The following EBF1 variants were observed in gnomAD, a reference collection of about 807,000 sequenced individuals.
EBF1 encodes the protein transcription factor COE1.
In EBF1, 10 loss-of-function variants were observed where a neutral mutation model predicts 68.4. That is an observed-to-expected ratio of 0.15 (90% CI 0.09 to 0.25). The LOEUF (loss-of-function observed/expected upper bound fraction) is 0.25, where lower values mean the gene tolerates loss of function less well. Among genes scored for constraint, EBF1 ranks in the 10% least tolerant of loss-of-function variants. EBF1 has a pLI of 1.00. For synonymous variants in EBF1, 298 were observed against 299.8 expected (o/e 0.99, Z 0.06); for missense variants, 509 against 794.4 (o/e 0.64, Z 4.32).
intron 6 of EBF1, among the ~76,000 whole-genome samples, chr5:159,056,762 T>C (rs1774824532): frequency 6.6e-6 from 1 of 152,232 alleles, no homozygotes; most frequent in Admixed American, 6.5e-5. Context: ...AAAAATTTTA[T>C]TAAGACTTAC....
At chr5:158,972,168 C>A (rs1190550800) in intron 6 of EBF1, among the ~76,000 whole-genome samples, 1 of 152,122 alleles carries the variant, frequency 6.6e-6, no homozygotes, top group African/African-American at 2.4e-5. Context: ...CCTGACAGGC[C>A]ATTGTCTTTC....
At chr5:158,819,434 G>A (rs554297423) in intron 8 of EBF1, among the ~76,000 whole-genome samples, 2 of 152,308 alleles carry the variant, frequency 1.3e-5, no homozygotes, top group African/African-American at 4.8e-5. Context: ...TGAGGGCACC[G>A]CATTTTGCCA....
At chr5:158,899,863 C>A (rs1428472140) in intron 6 of EBF1, among the ~76,000 whole-genome samples, 1 of 152,172 alleles carries the variant, frequency 6.6e-6, no homozygotes, top group Non-Finnish European at 1.5e-5. Flanking sequence ...CTTTTTAACC[C>A]TCTTCTCTTC....
At chr5:159,004,986 A>G (rs1030426681) in intron 6 of EBF1, among the ~76,000 whole-genome samples, 1 of 152,214 alleles carries the variant, frequency 6.6e-6, no homozygotes, top group Non-Finnish European at 1.5e-5. Context: ...TTTTAGAGAG[A>G]GAAAAGTGCC....
Position 158,712,215 on chromosome 5 carries a change from C to T in EBF1, c.1488G>A (p.Met496Ile), listed in dbSNP as rs1434239379. ...TSMNGYGSAA[M>I]SNLGGSPTFL... ...AGGTGGGGGAGCCGCCCAAATTGGA[C>T]ATTGCGGCAGAGCCGTATCCGTTCA... Residue 496 changes from methionine to isoleucine, a missense_variant, in exon 14 of 16, where the codon ATG becomes ATA. Around this residue, in one of 3 missense-constraint regions of EBF1, gnomAD observed 205 missense variants for 247.4 expected, o/e 0.83. Coordinates refer to ENST00000313708, the MANE Select transcript of EBF1 (RefSeq NM_024007.5). 6.2e-7 allele frequency: 1 copy of T among 1,613,748 alleles called. No individual in the cohort carries two copies. Among genetic ancestry groups the T allele is most frequent in the South Asian group, 1.1e-5 (1 of 90,940 alleles).
At position 158,765,410 on chromosome 5, in the gene EBF1, G is replaced by GAACGTGTGTAGAAT. The variant is rs1561862080; in HGVS notation, c.1036+12002_1036+12003insATTCTACACACGTT. ...TGAACGTGTGTAGAATGACTGGGAA[G>GAACGTGTGTAGAAT]GCCATATTTTGTGCAGATATTTAAA... On this transcript the variant is annotated intron_variant, in intron 10 of 15. Coordinates refer to ENST00000313708, the MANE Select transcript of EBF1 (RefSeq NM_024007.5). Among the ~76,000 whole-genome samples, 1,274 of 152,206 alleles carry GAACGTGTGTAGAAT rather than the reference G, an allele frequency of 8.4e-3. 21 individuals carry two copies. The highest frequency in any genetic ancestry group is 0.029 in the African/African-American group (1,209 of 41,540).
intron 11 of EBF1, among the ~76,000 whole-genome samples, chr5:158,720,193 G>T (rs777590733): frequency 6.2e-4 from 94 of 152,258 alleles, no homozygotes; most frequent in South Asian, 2.3e-3. Flanking sequence ...AGGGTTTACT[G>T]CAGGACCCAG....
At chr5:159,057,067 C>T (rs1445212274) in intron 6 of EBF1, among the ~76,000 whole-genome samples, 1 of 151,122 alleles carries the variant, frequency 6.6e-6, no homozygotes, top group Non-Finnish European at 1.5e-5. Context: ...TTCCTCCTCC[C>T]TGTGACTGTT....
chr5:158,938,494 C>T (rs1001702487), intron 6 of EBF1, among the ~76,000 whole-genome samples: 3 of 152,206 alleles, frequency 2.0e-5, no homozygotes, highest in East Asian at 3.8e-4. Flanking sequence ...TTGGCTGGGG[C>T]TGCCATAACA....
At chr5:158,893,440 C>T (rs184624692) in intron 6 of EBF1, among the ~76,000 whole-genome samples, 245 of 152,272 alleles carry the variant, frequency 1.6e-3, no homozygotes, top group African/African-American at 4.7e-3. Context: ...CTTAATTCTA[C>T]GCTATGTCAC....
chr5:158,815,770 A>T (rs1783609837), intron 8 of EBF1, among the ~76,000 whole-genome samples: 1 of 152,122 alleles, frequency 6.6e-6, no homozygotes, highest in Non-Finnish European at 1.5e-5. Context: ...CTGCTTTATG[A>T]ATTACTCAGG....
At chr5:158,812,155 T>A (rs1387061884) in intron 8 of EBF1, among the ~76,000 whole-genome samples, 2 of 152,206 alleles carry the variant, frequency 1.3e-5, no homozygotes, top group Admixed American at 1.3e-4. Context: ...TATTGTCTGA[T>A]ATAATTGGCA....
intron 7 of EBF1, among the ~76,000 whole-genome samples, chr5:158,833,313 G>A (rs1319437440): frequency 5.3e-4 from 75 of 140,264 alleles, no homozygotes; most frequent in African/African-American, 1.8e-3. Flanking sequence ...AAAAAAAAAA[G>A]AAAAAAAGAG....
intron 10 of EBF1, among the ~76,000 whole-genome samples, chr5:158,739,579 G>C (rs1238255260): frequency 6.6e-6 from 1 of 151,920 alleles, no homozygotes; most frequent in Non-Finnish European, 1.5e-5. Flanking sequence ...AGCCAAATTT[G>C]CTCCTTTAAA....
At chr5:158,838,650 T>C (rs190052249) in intron 7 of EBF1, among the ~76,000 whole-genome samples, 4 of 152,276 alleles carry the variant, frequency 2.6e-5, no homozygotes, top group African/African-American at 9.6e-5. Flanking sequence ...CTAAGAGATA[T>C]TGACATCTCC....
At chr5:158,803,356 T>A (rs1305232571) in intron 8 of EBF1, among the ~76,000 whole-genome samples, 2 of 4,746 alleles carry the variant, frequency 4.2e-4, no homozygotes, top group Non-Finnish European at 6.5e-4. Flanking sequence ...TTGCTGGTGT[T>A]TTTTTTTTTT....
chr5:159,002,113 A>G (rs1028671044), intron 6 of EBF1, among the ~76,000 whole-genome samples: 1 of 151,368 alleles, frequency 6.6e-6, no homozygotes, highest in Non-Finnish European at 1.5e-5. Flanking sequence ...ACAACAGCCC[A>G]GTAGAATAAG....
chr5:159,019,855 G>A (rs575436427), intron 6 of EBF1, among the ~76,000 whole-genome samples: 32 of 152,118 alleles, frequency 2.1e-4, no homozygotes, highest in Admixed American at 1.8e-3. Context: ...ATAAGGATAC[G>A]TTAACATAGG....
At chr5:158,855,410 G>T (rs1793779447) in intron 6 of EBF1, among the ~76,000 whole-genome samples, 1 of 152,188 alleles carries the variant, frequency 6.6e-6, no homozygotes, top group Non-Finnish European at 1.5e-5. Context: ...CAGGTGACAT[G>T]GTCAGGGTCA....
Sources: allele counts gnomAD v4.1 joint callset (sites outside exome capture counted in the v4.1 genomes callset), GRCh38; gene constraint gnomAD v4.1.1; regional missense constraint gnomAD v4.1.1; transcripts MANE v1.5; gene names NCBI Gene and HGNC (gene_info 2026-07-23, HGNC 2026-07-21).